Variants in UBE2G1 observed in about 807,000 individuals in gnomAD.
The protein encoded by UBE2G1 is ubiquitin conjugating enzyme E2 G1, also known as ubiquitin-conjugating enzyme E2 G1.
UBE2G1 carries 5 observed loss-of-function variants against 22.7 expected under a neutral mutation model. That is an observed-to-expected ratio of 0.22 (90% CI 0.12 to 0.46). The LOEUF (loss-of-function observed/expected upper bound fraction) is 0.46, where lower values mean the gene tolerates loss of function less well. Among genes scored for constraint, UBE2G1 ranks in the 20% least tolerant of loss-of-function variants. The pLI, the probability that UBE2G1 is intolerant of heterozygous loss-of-function variation, is 0.99. For synonymous variants in UBE2G1, 74 were observed against 67.5 expected, an observed-to-expected ratio of 1.10 and a Z score of -0.47; for missense variants, 88 against 203.9, an observed-to-expected ratio of 0.43 and a Z score of 3.46.
intron 1 of UBE2G1, among the ~76,000 whole-genome samples, chr17:4,315,105 A>T (rs977188050): frequency 6.6e-6 from 1 of 152,156 alleles, no homozygotes; most frequent in South Asian, 2.1e-4. Flanking sequence ...AAATATTTAC[A>T]GACAAATGAT....
At chr17:4,365,493 C>G (rs1027028083) in intron 1 of UBE2G1, among the ~76,000 whole-genome samples, 2 of 152,160 alleles carry the variant, frequency 1.3e-5, no homozygotes, top group Admixed American at 6.5e-5. Context: ...GGCCGCCGCC[C>G]CGGGCCAGAG....
chr17:4,366,153 C>T (rs1444782700), intron 1 of UBE2G1, 118 bp downstream of exon 1: 1 of 1,106,356 alleles, frequency 9.0e-7, no homozygotes, highest in Non-Finnish European at 1.2e-6. Flanking sequence ...AGGTCCCCAC[C>T]CTCGCAGGCC....
At chr17:4,292,126 G>A (rs1024530125) in intron 3 of UBE2G1, among the ~76,000 whole-genome samples, 1 of 151,722 alleles carries the variant, frequency 6.6e-6, no homozygotes, top group African/African-American at 2.4e-5. Context: ...ACCTGAGGTC[G>A]AGACCAGCCT....
intron 1 of UBE2G1, among the ~76,000 whole-genome samples, chr17:4,339,072 A>G (rs1969682034): frequency 6.6e-6 from 1 of 152,164 alleles, no homozygotes; most frequent in Admixed American, 6.6e-5. Context: ...TCAGGAATGT[A>G]TATTACATTT....
chr17:4,335,363 TC>T (rs1969633342), intron 1 of UBE2G1: 1 of 152,080 alleles, frequency 6.6e-6, no homozygotes, highest in African/African-American at 2.4e-5. Flanking sequence ...GCCCCAGACT[TC>T]TCTAGAGTAA....
Position 4,343,034 on chromosome 17 carries a change from C to A in UBE2G1, c.46+23237G>T, listed in dbSNP as rs77814063. On this transcript the variant is annotated intron_variant, in intron 1 of 5. Coordinates refer to ENST00000396981, the MANE Select transcript of UBE2G1 (RefSeq NM_003342.5). ...TTTCTCTCCAGGGCACTTATCACTA[C>A]CTAATACACCACATTTTTAATTTAA... Among the ~76,000 whole-genome samples, 963 of 152,246 alleles carry A rather than the reference C, an allele frequency of 6.3e-3. 9 individuals carry two copies. The highest frequency in any genetic ancestry group is 0.022 in the African/African-American group (928 of 41,540).
At chr17:4,278,291 AAAG>A (rs998627610) in intron 5 of UBE2G1, among the ~76,000 whole-genome samples, 3 of 152,258 alleles carry the variant, frequency 2.0e-5, no homozygotes, top group Non-Finnish European at 4.4e-5. Context: ...ATCTCAATAA[AAAG>A]AAGACTGACT....
At position 4,366,297 on chromosome 17, in the gene UBE2G1, G is replaced by A. The variant is rs1352440128; in HGVS notation, c.20C>T (p.Ala7Val). 1 of 1,554,628 alleles carries A rather than the reference G, an allele frequency of 6.4e-7. No homozygotes were observed. The highest frequency in any genetic ancestry group is 8.6e-7 in the Non-Finnish European group (1 of 1,159,640). ...TGCCAGCTGTCTTCGCAGTAGCAGT[G>A]CCGACTGCAGCTCCGTCATCCTCCC... MTELQS[A>V]LLLRRQLAEL... The change falls in exon 1 of 6, where the codon GCA (alanine) becomes GTA (valine). Residue 7 changes from alanine (A) to valine (V), a missense_variant. Ala to Val is a moderately conservative substitution (Grantham distance 64). Around this residue, in one of 2 missense-constraint regions of UBE2G1, gnomAD observed 50 missense variants for 71.0 expected, o/e 0.70. Coordinates refer to ENST00000396981, the MANE Select transcript of UBE2G1 (RefSeq NM_003342.5).
chr17:4,348,035 C>A (rs980113464), intron 1 of UBE2G1, among the ~76,000 whole-genome samples: 1 of 152,194 alleles, frequency 6.6e-6, no homozygotes, highest in Non-Finnish European at 1.5e-5. Flanking sequence ...TCTAAATGTT[C>A]AAGTGGTCTC....
intron 3 of UBE2G1, among the ~76,000 whole-genome samples, chr17:4,296,025 G>A (rs2325989): frequency 0.92 from 138,428 of 150,226 alleles, 64,877 homozygotes; most frequent in East Asian, 1. Context: ...TAGAAGAGTT[G>A]TCCATGGTAT....
At chr17:4,326,915 C>T (rs188613978) in intron 1 of UBE2G1, among the ~76,000 whole-genome samples, 10 of 152,300 alleles carry the variant, frequency 6.6e-5, no homozygotes, top group African/African-American at 1.9e-4. Context: ...GTAATCCCAG[C>T]ACTTGGGAGG....
intron 3 of UBE2G1, among the ~76,000 whole-genome samples, chr17:4,293,067 C>T (rs1401083652): frequency 6.6e-6 from 1 of 152,030 alleles, no homozygotes; most frequent in Non-Finnish European, 1.5e-5. Context: ...CAATCAATAC[C>T]ACAATCAATT....
intron 1 of UBE2G1, among the ~76,000 whole-genome samples, chr17:4,346,498 G>C (rs547058721): frequency 5.4e-5 from 8 of 146,808 alleles, no homozygotes; most frequent in African/African-American, 2.0e-4. Flanking sequence ...GCAGTGGCGC[G>C]ATCTCGGCTC....
chr17:4,350,895 T>C (rs894782319), intron 1 of UBE2G1, among the ~76,000 whole-genome samples: 2 of 151,724 alleles, frequency 1.3e-5, no homozygotes, highest in Non-Finnish European at 2.9e-5. Context: ...TAGCCGGGCA[T>C]GGTGGCAGGC....
In UBE2G1 at chr17:4,366,623, C is replaced by T. The variant is rs1031338053; in HGVS notation, c.-307G>A. Reference sequence around the variant, plus strand: ...CCCGTCGGCCCCACCGGTGCCTTCCCCCGCCACTGCCTCACTGCGCGCAGG... The same window carrying T: ...CCCGTCGGCCCCACCGGTGCCTTCCTCCGCCACTGCCTCACTGCGCGCAGG... On this transcript the variant is annotated 5_prime_UTR_variant, in exon 1 of 6. Transcript: ENST00000396981. The T allele has an allele frequency of 2.0e-5, 6 of 303,482 alleles. No homozygotes were observed. The highest frequency in any genetic ancestry group is 4.4e-5 in the African/African-American group (2 of 45,688). The allele number at this position is 303,482 out of a possible 1,614,324, so 18.8% of individuals were successfully genotyped here. A position where few individuals can be genotyped will look rare whatever the true frequency, so the allele number is the denominator to read the frequency against.
At chr17:4,311,561 T>C (rs1236321948) in intron 1 of UBE2G1, among the ~76,000 whole-genome samples, 1 of 152,218 alleles carries the variant, frequency 6.6e-6, no homozygotes, top group African/African-American at 2.4e-5. Context: ...ATATGACTTA[T>C]TCTATATGAT....
chr17:4,309,912 C>A (rs1245444264), intron 1 of UBE2G1, among the ~76,000 whole-genome samples: 1 of 152,176 alleles, frequency 6.6e-6, no homozygotes, highest in Non-Finnish European at 1.5e-5. Flanking sequence ...TTGTCAAAAC[C>A]CCCAAGTTCT....
At chr17:4,361,235 A>AG (rs1216594288) in intron 1 of UBE2G1, among the ~76,000 whole-genome samples, 2 of 150,014 alleles carry the variant, frequency 1.3e-5, no homozygotes, top group Non-Finnish European at 3.0e-5. Flanking sequence ...GAAAAAAAAA[A>AG]TGCAATAGAG....
chr17:4,364,280 AT>A (rs1288174300), intron 1 of UBE2G1: 25 of 135,812 alleles, frequency 1.8e-4, no homozygotes, highest in African/African-American at 7.0e-4. Flanking sequence ...AAAAAAAAAA[AT>A]GCAATAAAGT....
Sources: allele counts gnomAD v4.1 joint callset (sites outside exome capture counted in the v4.1 genomes callset), GRCh38; gene constraint gnomAD v4.1.1; regional missense constraint gnomAD v4.1.1; transcripts MANE v1.5; gene names NCBI Gene and HGNC (gene_info 2026-07-23, HGNC 2026-07-21).